The following PCCB variants were observed in gnomAD, a reference collection of about 807,000 sequenced individuals.
The protein encoded by PCCB is propionyl-CoA carboxylase beta chain, mitochondrial.
PCCB carries 43 observed loss-of-function variants against 60.7 expected under a neutral mutation model. The observed-to-expected ratio is 0.71, with a 90% confidence interval of 0.55 to 0.91. PCCB has a LOEUF of 0.91. Ranked by LOEUF, PCCB falls within the 40% of genes least tolerant of loss-of-function variation. PCCB has a pLI of 0.00. For missense variants in PCCB, 766 were observed against 702.8 expected (o/e 1.09, Z -1.02); for synonymous variants, 276 against 255.9 (o/e 1.08, Z -0.75).
At chr3:136,313,874 A>C (rs905773573) in intron 9 of PCCB, among the ~76,000 whole-genome samples, 1 of 152,226 alleles carries the variant, frequency 6.6e-6, no homozygotes, top group Non-Finnish European at 1.5e-5. Flanking sequence ...TTTTGAGGGT[A>C]GTAGCAGCCA....
At chr3:136,285,671 C>T (rs2108185147) in intron 6 of PCCB, among the ~76,000 whole-genome samples, 1 of 152,168 alleles carries the variant, frequency 6.6e-6, no homozygotes, top group Non-Finnish European at 1.5e-5. Context: ...GGCATTTCTT[C>T]TCACAACTCT....
At chr3:136,329,138 G>A (rs1211048374) in intron 14 of PCCB, among the ~76,000 whole-genome samples, 1 of 152,184 alleles carries the variant, frequency 6.6e-6, no homozygotes, top group Non-Finnish European at 1.5e-5. Flanking sequence ...TAACTCAACA[G>A]CTTAAACTAA....
At chr3:136,261,908 A>G (rs377565405) in intron 4 of PCCB, 44 bp from the exon 5 acceptor site, 115 of 1,319,962 alleles carry the variant, frequency 8.7e-5, no homozygotes, top group Non-Finnish European at 1.2e-4. Flanking sequence ...CGTTTTTTAT[A>G]TCAAGAACAT....
intron 10 of PCCB, chr3:136,326,422 C>T (rs1458785646): frequency 8.5e-6 from 6 of 702,452 alleles, no homozygotes; most frequent in African/African-American, 1.7e-5. Context: ...AGTAATTTCT[C>T]AAGGGCACGT....
intron 5 of PCCB, among the ~76,000 whole-genome samples, chr3:136,263,725 CTT>C (rs1941893442): frequency 6.6e-6 from 1 of 151,976 alleles, no homozygotes. Flanking sequence ...AAATTTCAAA[CTT>C]CAGCCTGGGC....
At chr3:136,326,552 C>A (rs959419791) in intron 10 of PCCB, among the ~76,000 whole-genome samples, 3 of 152,220 alleles carry the variant, frequency 2.0e-5, no homozygotes, top group African/African-American at 7.2e-5. Flanking sequence ...TCTCAGCTGG[C>A]GGCAGCCCTT....
chr3:136,280,373 G>A (rs1942444791), intron 5 of PCCB, among the ~76,000 whole-genome samples: 1 of 152,188 alleles, frequency 6.6e-6, no homozygotes, highest in African/African-American at 2.4e-5. Flanking sequence ...TTGAGACAGA[G>A]TTTTGCTCTG....
chr3:136,293,498 A>T (rs754928349), intron 6 of PCCB, among the ~76,000 whole-genome samples: 2 of 152,234 alleles, frequency 1.3e-5, no homozygotes, highest in Non-Finnish European at 2.9e-5. Flanking sequence ...TGTTCTACAG[A>T]TGAATGACCT....
chr3:136,290,877 AGTTTT>A (rs1425067692), intron 6 of PCCB, among the ~76,000 whole-genome samples: 2 of 150,940 alleles, frequency 1.3e-5, no homozygotes, highest in African/African-American at 4.9e-5. Flanking sequence ...TAGATACTCC[AGTTTT>A]GTTTTGTTTT....
At chr3:136,282,358 T>A (rs1049621367) in intron 5 of PCCB, among the ~76,000 whole-genome samples, 2 of 152,264 alleles carry the variant, frequency 1.3e-5, no homozygotes, top group Non-Finnish European at 2.9e-5. Context: ...TCAGATATTC[T>A]TGGAGCTTCC....
intron 6 of PCCB, among the ~76,000 whole-genome samples, chr3:136,289,758 T>G (rs2108190868): frequency 6.6e-6 from 1 of 152,004 alleles, no homozygotes; most frequent in South Asian, 2.1e-4. Context: ...TTCTATATGA[T>G]TCCATTTTTC....
chr3:136,285,108 AG>A (rs1457918074), intron 6 of PCCB, among the ~76,000 whole-genome samples: 4 of 128,212 alleles, frequency 3.1e-5, no homozygotes, highest in Admixed American at 7.7e-5. Context: ...AAAAAAAAAA[AG>A]GTAAGATGAC....
At chr3:136,267,855 T>C (rs1413025993) in intron 5 of PCCB, among the ~76,000 whole-genome samples, 2 of 151,600 alleles carry the variant, frequency 1.3e-5, no homozygotes, top group Non-Finnish European at 2.9e-5. Flanking sequence ...CTTTTGTGGG[T>C]CATGCTTCTA....
At chr3:136,310,298 G>A (rs1239597175) in intron 9 of PCCB, among the ~76,000 whole-genome samples, 1 of 151,984 alleles carries the variant, frequency 6.6e-6, no homozygotes, top group East Asian at 1.9e-4. Context: ...AGGAGGCGGA[G>A]GTTGCGATGA....
chr3:136,316,893 A>G, intron 9 of PCCB, 48 bp from the exon 10 acceptor site: 2 of 1,604,984 alleles, frequency 1.2e-6, no homozygotes, highest in Non-Finnish European at 1.7e-6. Context: ...ATTACATCTT[A>G]TACTTGTCTT....
At position 136,250,500 on chromosome 3, in the gene PCCB, A is replaced by G. The variant is rs1441973778; in HGVS notation, c.125A>G (p.Lys42Arg). ...TCTGTTAACGAACGCATCGAAAACAAGCGCCGGACCGCGCTGCTGGGAGGG... is the reference window on the plus strand; with the variant it reads ...TCTGTTAACGAACGCATCGAAAACAGGCGCCGGACCGCGCTGCTGGGAGGG... ...ATSVNERIEN[K>R]RRTALLGGGQ... is the part of the protein sequence containing the mutation. Residue 42 changes from lysine to arginine, a missense_variant, in exon 1 of 15, where the codon AAG (lysine) becomes AGG (arginine). Coordinates refer to ENST00000251654, the MANE Select transcript of PCCB (RefSeq NM_000532.5). 2 of 1,613,084 alleles carry G rather than the reference A, an allele frequency of 1.2e-6. No homozygotes were observed.
chr3:136,251,765 G>A (rs1248735419), intron 1 of PCCB, among the ~76,000 whole-genome samples: 1 of 152,130 alleles, frequency 6.6e-6, no homozygotes, highest in Non-Finnish European at 1.5e-5. Flanking sequence ...ACATCGCCTA[G>A]CCCTTTCCCA....
At chr3:136,255,251 C>G (rs1207268721) in intron 1 of PCCB, 2 of 157,634 alleles carry the variant, frequency 1.3e-5, no homozygotes, top group East Asian at 3.7e-4. Context: ...TCAGCCACTC[C>G]CTGCTGTGGG....
At chr3:136,260,192 G>T (rs928959678) in intron 3 of PCCB, 3 of 472,472 alleles carry the variant, frequency 6.3e-6, no homozygotes, top group Non-Finnish European at 7.8e-6. Flanking sequence ...TCCTGCCTCA[G>T]CCTCCCGAGT....
Sources: allele counts gnomAD v4.1 joint callset (sites outside exome capture counted in the v4.1 genomes callset), GRCh38; gene constraint gnomAD v4.1.1; transcripts MANE v1.5; gene names NCBI Gene and HGNC (gene_info 2026-07-23, HGNC 2026-07-21).